ZC3H14: variants seen among roughly 807,000 people sequenced by gnomAD.
ZC3H14 encodes zinc finger CCCH-type containing 14.
Under a neutral mutation model 92.4 loss-of-function variants are expected in ZC3H14, and 31 were observed. The ratio of observed to expected loss-of-function variants is 0.34; its 90% CI spans 0.25 to 0.45. The LOEUF is 0.45. Ranked by LOEUF, ZC3H14 falls within the 20% of genes least tolerant of loss-of-function variation. The probability of loss-of-function intolerance (pLI) is 1.00; values close to 1 mark genes in which losing one functional copy is unlikely to be tolerated. For missense variants in ZC3H14, 781 were observed against 897.3 expected, an observed-to-expected ratio of 0.87 and a Z score of 1.66; for synonymous variants, 321 against 300.9, an observed-to-expected ratio of 1.07 and a Z score of -0.69.
In ZC3H14 at chr14:88,603,070, G is replaced by T; in HGVS notation, c.1747+10G>T. The T allele has an allele frequency of 6.2e-7, 1 of 1,613,334 alleles. No homozygotes were observed. The highest frequency in any genetic ancestry group is 8.5e-7 in the Non-Finnish European group (1 of 1,179,316). On this transcript the variant is annotated intron_variant, in intron 12 of 16. Transcript: ENST00000251038. ...GGTAGCTTTTCTAACGGTGTGTTGA[G>T]AGCTCAGATTTTCAGGGTGCTGTCA...
chr14:88,625,452 A>G lies in ZC3H14; in HGVS notation c.*13701A>G. On this transcript the variant is annotated 3_prime_UTR_variant, in exon 17 of 17. Coordinates refer to ENST00000251038, the MANE Select transcript of ZC3H14 (RefSeq NM_024824.5). The stretch of plus-strand genomic sequence containing the variant: ...TTTCGCTCTTTGTTGCCCAGGCTGG[A>G]GTGCAATGGTGCGATCTCAGCTCAC... 4.8e-6 allele frequency: 1 copy of G among 209,316 alleles called. No homozygotes were observed. Among genetic ancestry groups the G allele is most frequent in the Non-Finnish European group, 9.6e-6 (1 of 104,496 alleles). 13.0% of individuals were successfully genotyped at this position (209,316 alleles called of 1,614,324 possible). A position where few individuals can be genotyped will look rare whatever the true frequency, so the allele number is the denominator to read the frequency against.
chr14:88,622,003 C>T lies in ZC3H14; in HGVS notation c.*10252C>T, dbSNP rs1006958751. ...CCTATCTGGCTGTGTAAACTTGTAT[C>T]CTTTAACCAGTCCTTCCCTATCCCC... On this transcript the variant is annotated 3_prime_UTR_variant, in exon 17 of 17. Transcript: ENST00000251038. The T allele has an allele frequency of 2.6e-6, 1 of 385,070 alleles. No individual in the cohort carries two copies. Among genetic ancestry groups the T allele is most frequent in the African/African-American group, 2.1e-5 (1 of 48,734 alleles). 23.9% of individuals were successfully genotyped at this position (385,070 alleles called of 1,614,324 possible). A position where few individuals can be genotyped will look rare whatever the true frequency, so the allele number is the denominator to read the frequency against.
intron 8 of ZC3H14, 143 bp downstream of exon 8, chr14:88,576,083 G>A (rs2139658206): frequency 2.7e-6 from 2 of 731,414 alleles, no homozygotes; most frequent in Non-Finnish European, 4.4e-6. Context: ...TAGAAAAATG[G>A]CTTTAAAAGG....
At chr14:88,568,393 G>C (rs1022191699) in intron 3 of ZC3H14, among the ~76,000 whole-genome samples, 1 of 152,224 alleles carries the variant, frequency 6.6e-6, no homozygotes, top group African/African-American at 2.4e-5. Flanking sequence ...TGGCTGGGGA[G>C]GCCCCAGGAA....
Position 88,627,434 on chromosome 14 carries a change from G to C in ZC3H14, c.*15683G>C, listed in dbSNP as rs148838566. The C allele has an allele frequency of 1.8e-4, 96 of 519,832 alleles. No homozygotes were observed. The highest frequency in any genetic ancestry group is 4.5e-4 in the Admixed American group (12 of 26,882). The allele number at this position is 519,832 out of a possible 1,614,324, so 32.2% of individuals were successfully genotyped here. The stretch of plus-strand genomic sequence containing the variant: ...GTGAATCATTTATAATGCTAATAAT[G>C]GTTTCATTAATTTATCTGTTTTGTG... On this transcript the variant is annotated 3_prime_UTR_variant, in exon 17 of 17. Coordinates refer to ENST00000251038, the MANE Select transcript of ZC3H14 (RefSeq NM_024824.5).
chr14:88,582,896 T>C (rs552719487), intron 9 of ZC3H14, among the ~76,000 whole-genome samples: 25 of 152,156 alleles, frequency 1.6e-4, no homozygotes, highest in Non-Finnish European at 2.9e-4. Context: ...AAGTTGTTAA[T>C]TTTTTTTCTT....
At chr14:88,594,695 A>G (rs763655815) in intron 9 of ZC3H14, 1 of 1,613,604 alleles carries the variant, frequency 6.2e-7, no homozygotes, top group South Asian at 1.1e-5. Context: ...AGAGAATTTT[A>G]TGAAAATGTC....
intron 9 of ZC3H14, among the ~76,000 whole-genome samples, chr14:88,578,533 A>G (rs1363296161): frequency 1.3e-5 from 2 of 152,098 alleles, no homozygotes; most frequent in Non-Finnish European, 2.9e-5. Context: ...ACTCTCATGA[A>G]CCCAGTCATT....
rs746707838 is a variant in ZC3H14, at chr14:88,577,977, TG to T, written c.1124-7del. The stretch of plus-strand genomic sequence containing the variant: ...TGTATTTCTATCTTTTTTGCTTTTA[TG>T]TGAAAGTTCCACAGAAACAGACACT... On this transcript the variant is annotated splice_polypyrimidine_tract_variant and splice_region_variant and intron_variant, in intron 8 of 16. Coordinates refer to ENST00000251038, the MANE Select transcript of ZC3H14 (RefSeq NM_024824.5). 11 of 1,614,038 alleles carry T rather than the reference TG, an allele frequency of 6.8e-6. No individual in the cohort carries two copies. In the Admixed American group the frequency reaches 1.8e-4, roughly 27 times the overall value.
intron 16 of ZC3H14, among the ~76,000 whole-genome samples, chr14:88,611,190 A>G (rs2086656824): frequency 6.6e-6 from 1 of 152,100 alleles, no homozygotes; most frequent in Non-Finnish European, 1.5e-5. Flanking sequence ...CAGTCACACT[A>G]TCATAGCTCA....
At chr14:88,584,026 C>G (rs1266201041) in intron 9 of ZC3H14, among the ~76,000 whole-genome samples, 1 of 151,558 alleles carries the variant, frequency 6.6e-6, no homozygotes, top group African/African-American at 2.4e-5. Flanking sequence ...TATATCTTCT[C>G]TGCAAATTGA....
intron 5 of ZC3H14, 53 bp from the exon 6 acceptor site, chr14:88,572,525 G>T: frequency 6.3e-7 from 1 of 1,594,380 alleles, no homozygotes; most frequent in South Asian, 1.1e-5. Flanking sequence ...TTAAAGATTT[G>T]GTGATAATTG....
chr14:88,580,660 A>T (rs1277805219), intron 9 of ZC3H14, among the ~76,000 whole-genome samples: 1 of 152,210 alleles, frequency 6.6e-6, no homozygotes. Flanking sequence ...CAGAGCAAAC[A>T]TTAACTGTCT....
chr14:88,564,534 C>A (rs2079314642), intron 2 of ZC3H14, among the ~76,000 whole-genome samples: 1 of 152,140 alleles, frequency 6.6e-6, no homozygotes, highest in East Asian at 1.9e-4. Flanking sequence ...GTGGGAGACT[C>A]CAAGGGCCTC....
intron 9 of ZC3H14, chr14:88,594,505 C>G: frequency 7.2e-7 from 1 of 1,389,824 alleles, no homozygotes; most frequent in Non-Finnish European, 9.3e-7. Flanking sequence ...GTACGTTTAG[C>G]TTTTTCACAT....
chr14:88,587,569 A>T (rs531856272), intron 9 of ZC3H14, among the ~76,000 whole-genome samples: 58 of 152,152 alleles, frequency 3.8e-4, no homozygotes, highest in Non-Finnish European at 6.2e-4. Flanking sequence ...AAGCTGATCA[A>T]ATTTACATTT....
At chr14:88,596,392 T>G (rs190245915) in intron 9 of ZC3H14, among the ~76,000 whole-genome samples, 4 of 152,302 alleles carry the variant, frequency 2.6e-5, no homozygotes, top group Non-Finnish European at 5.9e-5. Context: ...TGCAGTTGGC[T>G]GTGATGCGAG....
chr14:88,565,975 C>G (rs1398958133), intron 2 of ZC3H14, among the ~76,000 whole-genome samples: 12 of 141,350 alleles, frequency 8.5e-5, no homozygotes, highest in African/African-American at 2.8e-4. Flanking sequence ...TCAAGCAATT[C>G]TCCTGCCTCA....
At position 88,563,063 on chromosome 14, in the gene ZC3H14, G is replaced by T; in HGVS notation, c.-71G>T. 2.0e-6 allele frequency: 3 copies of T among 1,537,086 alleles called. No individual in the cohort carries two copies. The highest frequency in any genetic ancestry group is 3.9e-5 in the Admixed American group (2 of 51,320). The stretch of plus-strand genomic sequence containing the variant: ...GAGGCGGTGGTGTCCCGGCTGCGGG[G>T]TAGGAGTCCGCGGCAGCCTCCGGGT... On this transcript the variant is annotated 5_prime_UTR_variant, in exon 1 of 17. Transcript: ENST00000251038.
Sources: gnomAD v4.1 joint callset for allele counts (sites outside exome capture counted in the v4.1 genomes callset) on GRCh38, gnomAD v4.1.1 for gene constraint, MANE v1.5 for transcripts, NCBI Gene and HGNC (gene_info 2026-07-23, HGNC 2026-07-21) for gene names.